Variants in ZNF713 observed in about 807,000 individuals in gnomAD.
ZNF713 encodes zinc finger protein 713.
In ZNF713, 21 loss-of-function variants were observed where a neutral mutation model predicts 28.7. The observed-to-expected ratio is 0.73, with a 90% confidence interval of 0.52 to 1.05. ZNF713 has a LOEUF of 1.05. ZNF713 is among the 50% of genes least tolerant of loss of function. The probability of loss-of-function intolerance (pLI) is 0.00; values close to 1 mark genes in which losing one functional copy is unlikely to be tolerated. For synonymous variants in ZNF713, 167 were observed against 178.0 expected, an observed-to-expected ratio of 0.94 and a Z score of 0.49; for missense variants, 458 against 532.4, an observed-to-expected ratio of 0.86 and a Z score of 1.37.
chr7:55,896,099 T>C (rs558035621), intron 1 of ZNF713, among the ~76,000 whole-genome samples: 6 of 152,244 alleles, frequency 3.9e-5, no homozygotes, highest in Admixed American at 6.5e-5. Flanking sequence ...GTGGTTACAT[T>C]TGTATGTTTT....
chr7:55,918,090 G>A, intron 4 of ZNF713: 1 of 456,670 alleles, frequency 2.2e-6, no homozygotes, highest in South Asian at 1.5e-5. Context: ...GGCTGTGACT[G>A]GAGGATGCAA....
At position 55,939,939 on chromosome 7, in the gene ZNF713, G is replaced by C; in HGVS notation, c.1265G>C (p.Arg422Pro). 1.2e-6 allele frequency: 2 copies of C among 1,613,052 alleles called. No homozygotes were observed. The highest frequency in any genetic ancestry group is 1.7e-6 in the Non-Finnish European group (2 of 1,179,422). Reference protein sequence around the residue: ...HLNQHRKIHTREKLCEYKCEQ... With the variant: ...HLNQHRKIHTPEKLCEYKCEQ... The stretch of plus-strand genomic sequence containing the variant: ...AATCAACACAGGAAAATCCATACTC[G>C]GGAGAAATTATGTGAATATAAATGT... The change falls in exon 7 of 7, where the codon CGG becomes CCG. Residue 422 changes from arginine (R) to proline (P), a missense_variant. Coordinates refer to ENST00000429591, the MANE Select transcript of ZNF713 (RefSeq NM_182633.3).
intron 4 of ZNF713, among the ~76,000 whole-genome samples, chr7:55,922,571 C>T (rs559934233): frequency 1.8e-4 from 27 of 151,880 alleles, no homozygotes; most frequent in African/African-American, 6.0e-4. Flanking sequence ...GCCACAGCCA[C>T]CCCAACCTTC....
intron 1 of ZNF713, among the ~76,000 whole-genome samples, chr7:55,892,565 A>AC (rs1421746092): frequency 6.7e-6 from 1 of 149,782 alleles, no homozygotes; most frequent in Admixed American, 6.6e-5. Context: ...CAAAAAAAAA[A>AC]AAAAAAAAAA....
Position 55,909,991 on chromosome 7 carries a change from GTA to G in ZNF713, c.-455-1620_-455-1619del, listed in dbSNP as rs1491058927. Among the ~76,000 whole-genome samples the G allele has an allele frequency of 8.3e-4, 124 of 149,596 alleles. 1 individual carries two copies. Among genetic ancestry groups the G allele is most frequent in the Admixed American group, 1.7e-3 (25 of 14,836 alleles). ...CGTTTATGTGTGTGTGTGTGTGTGT[GTA>G]TATACGTTTATGTGTGTGTGTGTGT... On this transcript the variant is annotated intron_variant, in intron 2 of 6. Coordinates refer to ENST00000429591, the MANE Select transcript of ZNF713 (RefSeq NM_182633.3).
chr7:55,935,332 A>G (rs1786323713), intron 6 of ZNF713, among the ~76,000 whole-genome samples: 1 of 152,150 alleles, frequency 6.6e-6, no homozygotes, highest in Admixed American at 6.5e-5. Flanking sequence ...GATTTTTTAA[A>G]AGTAGGATAT....
At chr7:55,887,855 GGGCGGCGGGCGGCGGCGGC>G (rs1383224967) in intron 1 of ZNF713, among the ~76,000 whole-genome samples, 175 bp downstream of exon 1, 166 of 13,816 alleles carry the variant, frequency 0.012, 47 homozygotes, top group African/African-American at 0.071. Flanking sequence ...CGGCGGCGGC[GGGCGGCGGGCGGCGGCGGC>G]GGCGGCGGCG....
intron 6 of ZNF713, among the ~76,000 whole-genome samples, chr7:55,930,129 C>T (rs1340061801): frequency 6.6e-6 from 1 of 151,968 alleles, no homozygotes; most frequent in Non-Finnish European, 1.5e-5. Flanking sequence ...GACACGATCT[C>T]CGCTCACTGC....
At chr7:55,935,338 G>C (rs1786323892) in intron 6 of ZNF713, among the ~76,000 whole-genome samples, 6 of 151,760 alleles carry the variant, frequency 4.0e-5, no homozygotes, top group Admixed American at 3.9e-4. Flanking sequence ...TTAAAAGTAG[G>C]ATATGCCCTT....
In ZNF713 at chr7:55,940,506, GA is replaced by G; in HGVS notation, c.*506del. 4.1e-6 allele frequency: 4 copies of G among 981,018 alleles called. No individual in the cohort carries two copies. Among genetic ancestry groups the G allele is most frequent in the Non-Finnish European group, 4.8e-6 (4 of 826,110 alleles). 60.8% of individuals were successfully genotyped at this position (981,018 alleles called of 1,614,324 possible). A position where few individuals can be genotyped will look rare whatever the true frequency, so the allele number is the denominator to read the frequency against. ...ACATTCCCAGGAGGGGTTATAAAAA[GA>G]AAAAATAATTTATTTTACAAATGAG... is the stretch of plus-strand genomic sequence containing the variant. On this transcript the variant is annotated 3_prime_UTR_variant, in exon 7 of 7. Transcript: ENST00000429591.
At chr7:55,889,683 C>T (rs1251066207) in intron 1 of ZNF713, among the ~76,000 whole-genome samples, 1 of 139,878 alleles carries the variant, frequency 7.1e-6, no homozygotes, top group Non-Finnish European at 1.5e-5. Flanking sequence ...TACACCCATG[C>T]ACTTTTTTTT....
intron 4 of ZNF713, among the ~76,000 whole-genome samples, chr7:55,920,899 G>A (rs1237846380): frequency 2.0e-5 from 3 of 152,124 alleles, no homozygotes; most frequent in African/African-American, 7.2e-5. Context: ...GGGATTACAG[G>A]CGTGAGCCAC....
chr7:55,938,707 C>T (rs1449789718), intron 6 of ZNF713, among the ~76,000 whole-genome samples: 1 of 152,134 alleles, frequency 6.6e-6, no homozygotes, highest in East Asian at 1.9e-4. Context: ...ATTCTCCTGT[C>T]CATCTGCTTT....
At chr7:55,889,565 CTG>C (rs1409740472) in intron 1 of ZNF713, among the ~76,000 whole-genome samples, 1 of 152,234 alleles carries the variant, frequency 6.6e-6, no homozygotes, top group Admixed American at 6.5e-5. Context: ...GAAAGTCACT[CTG>C]TTGCTGAAAA....
chr7:55,892,045 C>T (rs1365027562), intron 1 of ZNF713, among the ~76,000 whole-genome samples: 3 of 151,946 alleles, frequency 2.0e-5, no homozygotes, highest in Non-Finnish European at 4.4e-5. Context: ...TTTGAGAGGC[C>T]TAGGCAGGCG....
At chr7:55,889,611 C>G (rs1334701662) in intron 1 of ZNF713, among the ~76,000 whole-genome samples, 1 of 152,182 alleles carries the variant, frequency 6.6e-6, no homozygotes, top group East Asian at 1.9e-4. Flanking sequence ...GGAAAATGTT[C>G]TAGTTCCTTA....
chr7:55,923,463 G>T (rs35103810), intron 5 of ZNF713, 144 bp from the exon 6 acceptor site: 17,292 of 1,081,702 alleles, frequency 0.016, 211 homozygotes, highest in African/African-American at 0.043. Flanking sequence ...GGAATGTCTT[G>T]ATTGAGTTTG....
intron 4 of ZNF713, among the ~76,000 whole-genome samples, chr7:55,919,510 T>G (rs796329479): frequency 1.4e-3 from 82 of 60,322 alleles, no homozygotes; most frequent in Admixed American, 1.6e-3. Context: ...TTTTTTTTTT[T>G]TTTTTTTTTT....
chr7:55,890,098 C>G (rs529521183), intron 1 of ZNF713, among the ~76,000 whole-genome samples: 11 of 152,266 alleles, frequency 7.2e-5, no homozygotes, highest in African/African-American at 2.4e-4. Flanking sequence ...TGTGCCTCTT[C>G]TTCTTATGAG....
Sources: gnomAD v4.1 joint callset for allele counts (sites outside exome capture counted in the v4.1 genomes callset) on GRCh38, gnomAD v4.1.1 for gene constraint, MANE v1.5 for transcripts, NCBI Gene and HGNC (gene_info 2026-07-23, HGNC 2026-07-21) for gene names.